ROCK1: variants seen among roughly 807,000 people sequenced by gnomAD.
ROCK1 encodes the protein rho-associated protein kinase 1.
A neutral mutation model predicts 196.8 loss-of-function variants in ROCK1; 36 were observed. That is an observed-to-expected ratio of 0.18 (90% CI 0.14 to 0.24). The LOEUF is 0.24. Among genes scored for constraint, ROCK1 ranks in the 10% least tolerant of loss-of-function variants. The pLI is 1.00. For synonymous variants in ROCK1, 443 were observed against 515.9 expected, an observed-to-expected ratio of 0.86 and a Z score of 1.91; for missense variants, 920 against 1,562.0, an observed-to-expected ratio of 0.59 and a Z score of 6.93.
At chr18:21,018,782 T>C (rs917564283) in intron 12 of ROCK1, among the ~76,000 whole-genome samples, 1 of 152,212 alleles carries the variant, frequency 6.6e-6, no homozygotes, top group African/African-American at 2.4e-5. Context: ...CCACCTGCTC[T>C]GTCACAAAAT....
intron 9 of ROCK1, among the ~76,000 whole-genome samples, chr18:21,031,128 A>C (rs768889964): frequency 1.1e-4 from 17 of 151,926 alleles, no homozygotes; most frequent in Non-Finnish European, 2.2e-4. Flanking sequence ...CACAACAAGC[A>C]ACAACCGCAA....
intron 1 of ROCK1, among the ~76,000 whole-genome samples, chr18:21,082,923 A>G (rs2036494632): frequency 6.6e-6 from 1 of 152,212 alleles, no homozygotes. Flanking sequence ...CTATAGGTGG[A>G]AAACTAAAGA....
chr18:20,992,014 C>CA (rs1233165155), intron 17 of ROCK1, among the ~76,000 whole-genome samples: 3 of 151,782 alleles, frequency 2.0e-5, no homozygotes, highest in East Asian at 1.9e-4. Flanking sequence ...TTTGCTTTCA[C>CA]AAAAAAACAA....
intron 27 of ROCK1, among the ~76,000 whole-genome samples, chr18:20,964,324 CTAATAT>C (rs1422140217): frequency 6.6e-6 from 1 of 152,074 alleles, no homozygotes; most frequent in Admixed American, 6.6e-5. Context: ...ATGTAACTAT[CTAATAT>C]TAAGAATGAA....
At chr18:21,094,112 G>C (rs2036593462) in intron 1 of ROCK1, among the ~76,000 whole-genome samples, 1 of 152,210 alleles carries the variant, frequency 6.6e-6, no homozygotes. Context: ...CAGTGCTGTA[G>C]GCAGCCATAT....
chr18:20,969,566 T>C (rs915488486), intron 23 of ROCK1, among the ~76,000 whole-genome samples: 1 of 152,220 alleles, frequency 6.6e-6, no homozygotes, highest in Admixed American at 6.5e-5. Context: ...AATATCTTTA[T>C]CTGAATATTG....
chr18:20,968,815 G>A lies in ROCK1; in HGVS notation c.2960C>T (p.Ala987Val), dbSNP rs747884894. Residue 987 changes from alanine (A) to valine (V), a missense_variant, in exon 25 of 33, where the codon GCC becomes GTC. Around this residue, in one of 6 missense-constraint regions of ROCK1, gnomAD observed 520 missense variants for 657.1 expected, o/e 0.79. Coordinates refer to ENST00000399799, the MANE Select transcript of ROCK1 (RefSeq NM_005406.3). ...TTCAGTGTTGATATTCTTTTCAAAG[G>A]CAGCCTTAAGATTACTGATCTCCTC... ...KEEEISNLKA[A>V]FEKNINTERT... The A allele has an allele frequency of 3.1e-6, 5 of 1,609,314 alleles. No homozygotes were observed. The highest frequency in any genetic ancestry group is 4.3e-6 in the Non-Finnish European group (5 of 1,175,698).
chr18:21,091,806 C>T (rs550806635), intron 1 of ROCK1, among the ~76,000 whole-genome samples: 100 of 151,988 alleles, frequency 6.6e-4, no homozygotes, highest in South Asian at 1.2e-3. Context: ...CCCGTCTCTA[C>T]TACAAACACA....
intron 16 of ROCK1, among the ~76,000 whole-genome samples, chr18:21,005,936 C>CTTT (rs1326248476): frequency 6.6e-6 from 1 of 152,036 alleles, no homozygotes; most frequent in Non-Finnish European, 1.5e-5. Flanking sequence ...AAGTCATTTT[C>CTTT]TTTATGAGGG....
chr18:21,078,341 T>TACACACACACACACACACAC (rs59499705), intron 1 of ROCK1, among the ~76,000 whole-genome samples: 1 of 128,786 alleles, frequency 7.8e-6, no homozygotes, highest in African/African-American at 3.1e-5. Context: ...AACACCCACC[T>TACACACACACACACACACAC]ACACACACAC....
intron 4 of ROCK1, 51 bp downstream of exon 4, chr18:21,049,041 T>G (rs1413067770): frequency 1.3e-5 from 18 of 1,432,426 alleles, no homozygotes; most frequent in Non-Finnish European, 1.5e-5. Context: ...TTCTCAGACA[T>G]GTTTAGTTAC....
intron 23 of ROCK1, 33 bp from the exon 24 acceptor site, chr18:20,969,241 C>G: frequency 7.5e-7 from 1 of 1,335,000 alleles, no homozygotes; most frequent in Non-Finnish European, 1.1e-6. Context: ...TAAGCTCCAG[C>G]CTCTTTGCTA....
rs116713726 is a variant in ROCK1 at position 20,986,007 on chromosome 18, C to G, written c.2304+943G>C. ...CTGAGTAGCTGGAACTATAGGCATGCGACACCACACCTAGCTGATTTTTGT... is the reference window on the plus strand; with the variant it reads ...CTGAGTAGCTGGAACTATAGGCATGGGACACCACACCTAGCTGATTTTTGT... On this transcript the variant is annotated intron_variant, in intron 19 of 32. Coordinates refer to ENST00000399799, the MANE Select transcript of ROCK1 (RefSeq NM_005406.3). 7.3e-3 allele frequency among the ~76,000 whole-genome samples: 1,114 copies of G among 152,106 alleles called. 17 individuals carry two copies. Among genetic ancestry groups the G allele is most frequent in the African/African-American group, 0.025 (1,037 of 41,512 alleles).
intron 1 of ROCK1, among the ~76,000 whole-genome samples, chr18:21,082,945 C>A (rs576048462): frequency 1.3e-5 from 2 of 152,178 alleles, no homozygotes; most frequent in East Asian, 3.9e-4. Context: ...TACACACACA[C>A]CAAAACAAAA....
intron 1 of ROCK1, among the ~76,000 whole-genome samples, chr18:21,080,036 A>G (rs1298724128): frequency 1.3e-5 from 2 of 152,126 alleles, no homozygotes; most frequent in Non-Finnish European, 2.9e-5. Flanking sequence ...GAGAAGTGAG[A>G]ACAAAAGCGT....
At chr18:21,084,731 T>C (rs553995966) in intron 1 of ROCK1, among the ~76,000 whole-genome samples, 1 of 152,230 alleles carries the variant, frequency 6.6e-6, no homozygotes, top group Non-Finnish European at 1.5e-5. Flanking sequence ...AATTACCACC[T>C]GATCAGTAAT....
At chr18:21,080,056 T>C (rs2036470286) in intron 1 of ROCK1, among the ~76,000 whole-genome samples, 1 of 152,190 alleles carries the variant, frequency 6.6e-6, no homozygotes, top group Non-Finnish European at 1.5e-5. Context: ...TTCTCCTTCC[T>C]TTCGGTATGT....
chr18:21,061,799 T>A (rs2036293631), intron 2 of ROCK1, among the ~76,000 whole-genome samples: 1 of 152,186 alleles, frequency 6.6e-6, no homozygotes, highest in South Asian at 2.1e-4. Context: ...TGTACAAAGA[T>A]ATTGTGTTCC....
chr18:21,109,117 A>G (rs2036727301), intron 1 of ROCK1, among the ~76,000 whole-genome samples: 1 of 152,212 alleles, frequency 6.6e-6, no homozygotes, highest in African/African-American at 2.4e-5. Flanking sequence ...TCAATTTCCA[A>G]GAACATACAT....
Sources: allele counts gnomAD v4.1 joint callset (sites outside exome capture counted in the v4.1 genomes callset), GRCh38; gene constraint gnomAD v4.1.1; regional missense constraint gnomAD v4.1.1; transcripts MANE v1.5; gene names NCBI Gene and HGNC (gene_info 2026-07-23, HGNC 2026-07-21).